AUTS2: variants seen among roughly 807,000 people sequenced by gnomAD.
AUTS2 encodes the protein activator of transcription and developmental regulator AUTS2.
Under a neutral mutation model 112.4 loss-of-function variants are expected in AUTS2, and 17 were observed. The ratio of observed to expected loss-of-function variants is 0.15; its 90% CI spans 0.10 to 0.23. The LOEUF is 0.23. Among genes scored for constraint, AUTS2 ranks in the 10% least tolerant of loss-of-function variants. The probability of loss-of-function intolerance (pLI) is 1.00; values close to 1 mark genes in which losing one functional copy is unlikely to be tolerated. For synonymous variants in AUTS2, 751 were observed against 702.7 expected (o/e 1.07, Z -1.09); for missense variants, 1,510 against 1,701.6 (o/e 0.89, Z 1.98).
chr7:69,923,059 A>G (rs1365823723), intron 2 of AUTS2, among the ~76,000 whole-genome samples: 1 of 152,188 alleles, frequency 6.6e-6, no homozygotes, highest in Non-Finnish European at 1.5e-5. Context: ...ATTTGCCTGA[A>G]TCAACCCTAA....
At chr7:70,743,468 CAAAA>C (rs35444664) in intron 6 of AUTS2, among the ~76,000 whole-genome samples, 3 of 71,244 alleles carry the variant, frequency 4.2e-5, no homozygotes, top group African/African-American at 1.8e-4. Context: ...GACTCTGTCT[CAAAA>C]AAAAAAAAAA....
chr7:70,030,823 T>TC (rs1800742561), intron 2 of AUTS2, among the ~76,000 whole-genome samples: 2 of 152,142 alleles, frequency 1.3e-5, no homozygotes, highest in African/African-American at 4.8e-5. Context: ...AAAGACCTAG[T>TC]CCCTCAGGGG....
At chr7:70,352,315 G>A (rs1309088023) in intron 4 of AUTS2, among the ~76,000 whole-genome samples, 2 of 152,198 alleles carry the variant, frequency 1.3e-5, no homozygotes, top group East Asian at 3.8e-4. Context: ...TACAGTGTCA[G>A]CCAGAGTCCT....
chr7:70,761,760 A>G (rs1789577097), intron 6 of AUTS2, among the ~76,000 whole-genome samples: 1 of 152,212 alleles, frequency 6.6e-6, no homozygotes, highest in Non-Finnish European at 1.5e-5. Flanking sequence ...TTACATCCAT[A>G]CAGGAGCAGC....
chr7:70,519,551 GTT>G (rs1272202006), intron 5 of AUTS2, among the ~76,000 whole-genome samples: 1 of 152,190 alleles, frequency 6.6e-6, no homozygotes, highest in African/African-American at 2.4e-5. Context: ...TAACTAGAGT[GTT>G]AAATATGACA....
chr7:70,043,681 CT>C (rs1801368430), intron 2 of AUTS2, among the ~76,000 whole-genome samples: 1 of 150,192 alleles, frequency 6.7e-6, no homozygotes, highest in Non-Finnish European at 1.5e-5. Context: ...GCAATCTTGG[CT>C]TACCACAACC....
chr7:70,172,298 A>G (rs1318948570), intron 4 of AUTS2, among the ~76,000 whole-genome samples: 1 of 152,220 alleles, frequency 6.6e-6, no homozygotes, highest in Non-Finnish European at 1.5e-5. Flanking sequence ...GGCAGGAAAT[A>G]CAGCTTTCCA....
At chr7:69,780,785 A>T (rs1008339763) in intron 1 of AUTS2, among the ~76,000 whole-genome samples, 2 of 152,160 alleles carry the variant, frequency 1.3e-5, no homozygotes, top group African/African-American at 4.8e-5. Flanking sequence ...GGCTGTTATG[A>T]TTTCCACTCT....
chr7:70,667,503 C>T (rs753461019), intron 5 of AUTS2, among the ~76,000 whole-genome samples: 3 of 152,204 alleles, frequency 2.0e-5, no homozygotes, highest in Non-Finnish European at 2.9e-5. Flanking sequence ...CTTAGCCTTT[C>T]ACTAACAAAT....
chr7:70,730,232 T>TG lies in AUTS2; in HGVS notation c.742+31612_742+31613insG, dbSNP rs1554472378. Among the ~76,000 whole-genome samples, 81 of 151,244 alleles carry TG rather than the reference T, an allele frequency of 5.4e-4. 1 individual carries two copies. The South Asian group carries it at 0.011, about 21-fold the overall frequency. The stretch of plus-strand genomic sequence containing the variant: ...AGGACAACCAGTTTTTTTTTTTGTT[T>TG]TTTGTTTGTTTGTTTGTTGGTTTTT... On this transcript the variant is annotated intron_variant, in intron 6 of 18. Transcript: ENST00000342771.
intron 5 of AUTS2, among the ~76,000 whole-genome samples, chr7:70,649,024 GC>G (rs1170058518): frequency 1.9e-4 from 29 of 152,192 alleles, no homozygotes; most frequent in Non-Finnish European, 1.3e-4. Flanking sequence ...ATTAGGGAAT[GC>G]CTTTTCCTAT....
intron 2 of AUTS2, among the ~76,000 whole-genome samples, chr7:70,105,601 G>T (rs1381921086): frequency 6.6e-6 from 1 of 152,102 alleles, no homozygotes; most frequent in African/African-American, 2.4e-5. Context: ...TGTCTTTCTT[G>T]ATTACATGGA....
At chr7:69,688,868 A>T (rs539923948) in intron 1 of AUTS2, among the ~76,000 whole-genome samples, 7 of 152,184 alleles carry the variant, frequency 4.6e-5, no homozygotes, top group Non-Finnish European at 1.0e-4. Flanking sequence ...AACAATACAT[A>T]TTTTATATTT....
intron 5 of AUTS2, among the ~76,000 whole-genome samples, chr7:70,466,371 C>T (rs995829858): frequency 2.6e-4 from 39 of 152,184 alleles, no homozygotes; most frequent in African/African-American, 9.4e-4. Context: ...ATTTCAGTAT[C>T]TTCTATGTGA....
intron 6 of AUTS2, among the ~76,000 whole-genome samples, chr7:70,737,537 A>G (rs1787843746): frequency 6.6e-6 from 1 of 152,238 alleles, no homozygotes; most frequent in Non-Finnish European, 1.5e-5. Context: ...TAGGAGGAAG[A>G]GACTATTGTG....
At chr7:70,281,687 C>T (rs769064468) in intron 4 of AUTS2, among the ~76,000 whole-genome samples, 1 of 152,204 alleles carries the variant, frequency 6.6e-6, no homozygotes, top group African/African-American at 2.4e-5. Context: ...TTGTTGTAAA[C>T]ATTTAATATT....
At chr7:70,081,895 A>C (rs1554304843) in intron 2 of AUTS2, among the ~76,000 whole-genome samples, 1 of 151,978 alleles carries the variant, frequency 6.6e-6, no homozygotes, top group Non-Finnish European at 1.5e-5. Context: ...AGTTAACATT[A>C]ACTTTTAGGA....
chr7:70,197,388 C>T (rs1349994758), intron 4 of AUTS2, among the ~76,000 whole-genome samples: 4 of 151,234 alleles, frequency 2.6e-5, no homozygotes, highest in Non-Finnish European at 5.9e-5. Flanking sequence ...CCAGCGTGAG[C>T]GACGCAGAAG....
At chr7:69,636,967 G>A (rs1052165215) in intron 1 of AUTS2, among the ~76,000 whole-genome samples, 24 of 152,002 alleles carry the variant, frequency 1.6e-4, no homozygotes, top group African/African-American at 4.6e-4. Context: ...GGGTTTCACC[G>A]TGTTAGCCAG....
Sources: allele counts gnomAD v4.1 joint callset (sites outside exome capture counted in the v4.1 genomes callset), GRCh38; gene constraint gnomAD v4.1.1; transcripts MANE v1.5; gene names NCBI Gene and HGNC (gene_info 2026-07-23, HGNC 2026-07-21).